Variants in PAX9 observed in about 807,000 individuals in gnomAD.
PAX9 encodes paired box protein Pax-9.
PAX9 carries 6 observed loss-of-function variants against 29.1 expected under a neutral mutation model. The observed-to-expected ratio is 0.21, with a 90% confidence interval of 0.11 to 0.41. The LOEUF (loss-of-function observed/expected upper bound fraction) is 0.41, where lower values mean the gene tolerates loss of function less well. Among genes scored for constraint, PAX9 ranks in the 10% least tolerant of loss-of-function variants. The probability of loss-of-function intolerance (pLI) is 1.00; values close to 1 mark genes in which losing one functional copy is unlikely to be tolerated. For synonymous variants in PAX9, 217 were observed against 211.7 expected, an observed-to-expected ratio of 1.03 and a Z score of -0.22; for missense variants, 443 against 479.1, an observed-to-expected ratio of 0.92 and a Z score of 0.70.
At chr14:36,674,686 T>C (rs1335371970) in intron 3 of PAX9, among the ~76,000 whole-genome samples, 1 of 152,220 alleles carries the variant, frequency 6.6e-6, no homozygotes, top group Admixed American at 6.5e-5. Flanking sequence ...TAAAATATGT[T>C]GGATATTTCT....
At chr14:36,673,148 G>C (rs1436690188) in intron 3 of PAX9, among the ~76,000 whole-genome samples, 1 of 151,878 alleles carries the variant, frequency 6.6e-6, no homozygotes, top group Non-Finnish European at 1.5e-5. Flanking sequence ...TTACAGGCGT[G>C]AGCCACCGTG....
In PAX9 at chr14:36,662,104, G is replaced by A. The variant is rs1365185130; in HGVS notation, c.4+11G>A. 1 of 1,537,916 alleles carries A rather than the reference G, an allele frequency of 6.5e-7. No individual in the cohort carries two copies. The highest frequency in any genetic ancestry group is 8.8e-7 in the Non-Finnish European group (1 of 1,140,004). On this transcript the variant is annotated intron_variant, in intron 1 of 3. Coordinates refer to ENST00000361487, the MANE Select transcript of PAX9 (RefSeq NM_001372076.1). ...TGCTCGGAGCAATGGGTGAGTGGCG[G>A]CGGGGGACTCTGTCAGAGCCGGGAA...
rs116676854 is a variant in PAX9 at position 36,663,515 on chromosome 14, C to G, written c.623C>G (p.Thr208Ser). 1.3e-3 allele frequency: 2,073 copies of G among 1,612,894 alleles called. 17 individuals are homozygous for G. In the African/African-American group the frequency reaches 0.025, roughly 19 times the overall value. Residue 208 changes from threonine to serine, a missense_variant, in exon 2 of 4, where the codon ACC (threonine) becomes AGC (serine). Thr to Ser is a moderately conservative substitution (Grantham distance 58). This residue lies in a region of PAX9 where 336 missense variants were observed against 317.2 expected (regional missense o/e 1.06). Transcript: ENST00000361487. ...VTDILGIRSI[T>S]DQVSDSSPYH... is the part of the protein sequence containing the mutation. ...GACATCCTGGGCATCCGCTCCATCA[C>G]CGACCAAGGTAGGGGCTCAGAGGCT...
rs1278990415 is a variant in PAX9, at chr14:36,663,336, G to C, written c.444G>C (p.Pro148=). The C allele has an allele frequency of 6.2e-7, 1 of 1,614,144 alleles. No individual in the cohort carries two copies. The highest frequency in any genetic ancestry group is 8.5e-7 in the Non-Finnish European group (1 of 1,180,038). ...ACGACTCATACAAGCAGCACCAGCC[G>C]ACGCCGCAGCCAGCGCTGCCCTACA... ...GHYDSYKQHQ[P]TPQPALPYNH... is the part of the protein sequence containing the mutation. Residue 148 remains proline, a synonymous_variant, in exon 2 of 4, where the codon CCG becomes CCC. Coordinates refer to ENST00000361487, the MANE Select transcript of PAX9 (RefSeq NM_001372076.1).
chr14:36,663,799 C>T (rs151283413), intron 2 of PAX9, among the ~76,000 whole-genome samples: 220 of 152,320 alleles, frequency 1.4e-3, no homozygotes, highest in African/African-American at 5.0e-3. Context: ...ATTTTCCACC[C>T]TCCCCCGCCT....
intron 2 of PAX9, among the ~76,000 whole-genome samples, chr14:36,665,612 C>T (rs988076922): frequency 3.3e-5 from 5 of 152,194 alleles, no homozygotes. Flanking sequence ...TTCTTTGCAT[C>T]TCCACCAAGA....
In PAX9 at chr14:36,662,778, G is replaced by A. The variant is rs1881328240; in HGVS notation, c.5-119G>A. 7.3e-6 allele frequency: 9 copies of A among 1,232,174 alleles called. No individual in the cohort carries two copies. In the South Asian group the frequency reaches 1.1e-4, roughly 15 times the overall value. 76.3% of individuals were successfully genotyped at this position (1,232,174 alleles called of 1,614,324 possible). On this transcript the variant is annotated intron_variant, in intron 1 of 3. Transcript: ENST00000361487. The stretch of plus-strand genomic sequence containing the variant: ...ACCATATGGTTTGGGGACAGCCCCA[G>A]TAGTTAGTAGGGGACGGGTGCGTTC...
intron 3 of PAX9, among the ~76,000 whole-genome samples, chr14:36,672,268 C>T (rs77819352): frequency 0.013 from 1,994 of 152,246 alleles, 50 homozygotes; most frequent in African/African-American, 0.044. Context: ...TGTTTGCTCC[C>T]ACTATATTTA....
At chr14:36,669,472 G>A (rs1881630393) in intron 3 of PAX9, among the ~76,000 whole-genome samples, 2 of 152,012 alleles carry the variant, frequency 1.3e-5, no homozygotes, top group Admixed American at 1.3e-4. Context: ...CACTTTCAGG[G>A]CATTTGTGAT....
Position 36,678,560 on chromosome 14 carries a change from C to A in PAX9, c.*2108C>A. The A allele has an allele frequency of 6.5e-7, 1 of 1,535,598 alleles. No individual in the cohort carries two copies. The highest frequency in any genetic ancestry group is 1.2e-5 in the South Asian group (1 of 83,796). The stretch of plus-strand genomic sequence containing the variant: ...ATTTTGGTGGAGACTTCTTTAAAAC[C>A]ATACCATACAGGGACTCTCCTGTCA... On this transcript the variant is annotated 3_prime_UTR_variant, in exon 4 of 4. Transcript: ENST00000361487.
upstream of PAX9, among the ~76,000 whole-genome samples, chr14:36,660,772 C>A (rs1032659643): frequency 6.6e-6 from 1 of 152,234 alleles, no homozygotes; most frequent in Non-Finnish European, 1.5e-5. Flanking sequence ...TATTTTGATT[C>A]ACATTCTCCA....
chr14:36,676,124 CTTCT>C (rs1881877272), intron 3 of PAX9, 70 bp from the exon 4 acceptor site: 4 of 1,529,654 alleles, frequency 2.6e-6, no homozygotes, highest in Admixed American at 3.4e-5. Flanking sequence ...TTAAGTTCTG[CTTCT>C]TTCTAAGAAC....
In PAX9 at chr14:36,678,309, A is replaced by G; in HGVS notation, c.*1857A>G. 1.8e-6 allele frequency: 1 copy of G among 564,980 alleles called. No homozygotes were observed. The highest frequency in any genetic ancestry group is 3.1e-6 in the Non-Finnish European group (1 of 319,702). The allele number at this position is 564,980 out of a possible 1,614,324, so 35.0% of individuals were successfully genotyped here. On this transcript the variant is annotated 3_prime_UTR_variant, in exon 4 of 4. Coordinates refer to ENST00000361487, the MANE Select transcript of PAX9 (RefSeq NM_001372076.1). ...AGAGTGACTGCTTTTTTCAGACAGC[A>G]GATATCTTATAGAGAGCTTTGAACT...
chr14:36,667,505 C>G (rs1002499759), intron 3 of PAX9, among the ~76,000 whole-genome samples: 11 of 152,196 alleles, frequency 7.2e-5, no homozygotes, highest in Admixed American at 7.2e-4. Context: ...ATCCCAAACT[C>G]AATTCCAAAG....
chr14:36,674,792 G>T (rs780136976), intron 3 of PAX9, among the ~76,000 whole-genome samples: 12 of 152,124 alleles, frequency 7.9e-5, no homozygotes, highest in Non-Finnish European at 1.2e-4. Context: ...AACATGAGGT[G>T]TTTGTTCTTA....
chr14:36,662,157 A>C, intron 1 of PAX9, 64 bp downstream of exon 1: 1 of 139,608 alleles, frequency 7.2e-6, no homozygotes. Flanking sequence ...CGGGCAAGGG[A>C]GGGAGGGAGG....
At chr14:36,661,547 G>A, upstream of PAX9, 1 of 176,950 alleles carries the variant, frequency 5.7e-6, no homozygotes, top group Non-Finnish European at 1.2e-5. Flanking sequence ...TTCCCCGGAG[G>A]AGGTCTCCTC....
chr14:36,665,078 C>T (rs1451910893), intron 2 of PAX9, among the ~76,000 whole-genome samples: 1 of 142,870 alleles, frequency 7.0e-6, no homozygotes, highest in Non-Finnish European at 1.5e-5. Flanking sequence ...AAGGCAAAGA[C>T]AGACAGGCAG....
In PAX9 at chr14:36,679,047, T is replaced by TTCTA. The variant is rs1219559130; in HGVS notation, c.*2599_*2602dup. On this transcript the variant is annotated 3_prime_UTR_variant, in exon 4 of 4. Coordinates refer to ENST00000361487, the MANE Select transcript of PAX9 (RefSeq NM_001372076.1). ...GCAAATGCACTCTTCAGAAATCCTT[T>TTCTA]TCTATCTGATCCACATGGAGAGGTT... The TTCTA allele has an allele frequency of 3.0e-6, 3 of 985,408 alleles. No individual in the cohort carries two copies. Among genetic ancestry groups the TTCTA allele is most frequent in the Non-Finnish European group, 2.4e-6 (2 of 829,992 alleles). The allele number at this position is 985,408 out of a possible 1,614,324, so 61.0% of individuals were successfully genotyped here. A position where few individuals can be genotyped will look rare whatever the true frequency, so the allele number is the denominator to read the frequency against.
Sources: gnomAD v4.1 joint callset for allele counts (sites outside exome capture counted in the v4.1 genomes callset) on GRCh38, gnomAD v4.1.1 for gene constraint, gnomAD v4.1.1 regional missense constraint, MANE v1.5 for transcripts, NCBI Gene and HGNC (gene_info 2026-07-23, HGNC 2026-07-21) for gene names.